HECTD2: variants seen among roughly 807,000 people sequenced by gnomAD.
HECTD2 encodes the protein probable E3 ubiquitin-protein ligase HECTD2.
Under a neutral mutation model 103.2 loss-of-function variants are expected in HECTD2, and 35 were observed. The observed-to-expected ratio is 0.34, with a 90% CI of 0.26 to 0.45. HECTD2 has a LOEUF of 0.45. Ranked by LOEUF, HECTD2 falls within the 20% of genes least tolerant of loss-of-function variation. The pLI, the probability that HECTD2 is intolerant of heterozygous loss-of-function variation, is 1.00. For missense variants in HECTD2, 596 were observed against 937.4 expected (o/e 0.64, Z 4.76); for synonymous variants, 281 against 329.9 (o/e 0.85, Z 1.61).
chr10:91,468,243 G>A (rs750624397), intron 5 of HECTD2, among the ~76,000 whole-genome samples: 1 of 152,122 alleles, frequency 6.6e-6, no homozygotes, highest in African/African-American at 2.4e-5. Flanking sequence ...AAAGCCAGGG[G>A]CTCGGTACCA....
chr10:91,460,942 G>A (rs896304146), intron 3 of HECTD2, among the ~76,000 whole-genome samples: 2 of 152,110 alleles, frequency 1.3e-5, no homozygotes, highest in African/African-American at 2.4e-5. Context: ...TTTGAAGGAC[G>A]AAGTGGGAAT....
chr10:91,512,349 G>A lies in HECTD2; in HGVS notation c.2296G>A (p.Gly766Arg). Residue 766 changes from glycine (G) to arginine (R), a missense_variant, in exon 21 of 21, where the codon GGA becomes AGA. Physicochemically the swap from Gly to Arg is moderately radical, Grantham distance 125 (BLOSUM62 -2). Coordinates refer to ENST00000298068, the MANE Select transcript of HECTD2 (RefSeq NM_182765.6). ...GGATCTGAAACAGAAATTGATCATT[G>A]GAATTTCAAATTCAGAAGGTTTTGG... is the stretch of plus-strand genomic sequence containing the variant. ...KKDLKQKLII[G>R]ISNSEGFGLE is the part of the protein sequence containing the mutation. 1 of 1,613,210 alleles carries A rather than the reference G, an allele frequency of 6.2e-7. No individual in the cohort carries two copies. The highest frequency in any genetic ancestry group is 8.5e-7 in the Non-Finnish European group (1 of 1,179,490).
intron 2 of HECTD2, among the ~76,000 whole-genome samples, chr10:91,426,368 A>T (rs1483680649): frequency 2.0e-5 from 3 of 152,062 alleles, no homozygotes; most frequent in African/African-American, 7.2e-5. Flanking sequence ...ACCTAGAAAT[A>T]TTTAAGGACA....
intron 2 of HECTD2, among the ~76,000 whole-genome samples, chr10:91,455,286 C>A (rs1290765235): frequency 2.0e-5 from 3 of 152,110 alleles, no homozygotes; most frequent in Non-Finnish European, 2.9e-5. Flanking sequence ...GATGGTATCT[C>A]ATTGTGGTTT....
intron 1 of HECTD2, among the ~76,000 whole-genome samples, chr10:91,410,946 G>GTGCC (rs946422515): frequency 5.7e-4 from 87 of 152,228 alleles, no homozygotes; most frequent in African/African-American, 1.7e-3. Context: ...TTCCACGGAG[G>GTGCC]TGCCTGCCTG....
At chr10:91,413,988 G>A (rs926866240) in intron 1 of HECTD2, among the ~76,000 whole-genome samples, 1 of 152,214 alleles carries the variant, frequency 6.6e-6, no homozygotes, top group African/African-American at 2.4e-5. Flanking sequence ...TGATGGATTG[G>A]AGTGGAATAT....
rs1845368252 is a variant in HECTD2 at position 91,461,974 on chromosome 10, GTTCT to G, written c.511-118_511-115del. On this transcript the variant is annotated intron_variant, in intron 4 of 20. Coordinates refer to ENST00000298068, the MANE Select transcript of HECTD2 (RefSeq NM_182765.6). Reference sequence around the variant, plus strand: ...TATTTTCAGAAATTTTGCCCTAACAGTTCTTTTTTATTATCAGACTAAAAAATAA... The same window carrying G: ...TATTTTCAGAAATTTTGCCCTAACAGTTTTTATTATCAGACTAAAAAATAA... The G allele has an allele frequency of 4.1e-6, 3 of 731,258 alleles. No individual in the cohort carries two copies. The East Asian group carries it at 9.2e-5, about 22-fold the overall frequency. The allele number at this position is 731,258 out of a possible 1,614,324, so 45.3% of individuals were successfully genotyped here. A position where few individuals can be genotyped will look rare whatever the true frequency, so the allele number is the denominator to read the frequency against.
At chr10:91,510,473 C>T (rs1043884684) in intron 20 of HECTD2, among the ~76,000 whole-genome samples, 2 of 152,170 alleles carry the variant, frequency 1.3e-5, no homozygotes, top group African/African-American at 2.4e-5. Flanking sequence ...TAAACATTTT[C>T]ATAAGATATT....
At chr10:91,417,565 T>C (rs1331506100) in intron 1 of HECTD2, among the ~76,000 whole-genome samples, 1 of 151,788 alleles carries the variant, frequency 6.6e-6, no homozygotes, top group Non-Finnish European at 1.5e-5. Flanking sequence ...CTTTCCTGTG[T>C]CCATGTGTTC....
intron 2 of HECTD2, among the ~76,000 whole-genome samples, chr10:91,430,746 C>A (rs920118924): frequency 7.9e-5 from 12 of 151,882 alleles, no homozygotes; most frequent in South Asian, 2.1e-4. Flanking sequence ...ATCTTCCTCC[C>A]TCCTTTTATT....
Position 91,487,558 on chromosome 10 carries a change from A to G in HECTD2, c.1095-124A>G, listed in dbSNP as rs1254454648. 2.7e-6 allele frequency: 2 copies of G among 731,598 alleles called. No homozygotes were observed. Among genetic ancestry groups the G allele is most frequent in the South Asian group, 2.9e-5 (2 of 69,498 alleles). The allele number at this position is 731,598 out of a possible 1,614,324, so 45.3% of individuals were successfully genotyped here. ...AATTATACACATACAATCATTTTGT[A>G]TATGGTAAAACACAATCCAAAAGTA... On this transcript the variant is annotated intron_variant, in intron 10 of 20. Coordinates refer to ENST00000298068, the MANE Select transcript of HECTD2 (RefSeq NM_182765.6). The surrounding 1 kb of genome is among the most constrained non-coding windows in gnomAD (Gnocchi z 4.1).
At chr10:91,436,489 C>T (rs1172311671) in intron 2 of HECTD2, among the ~76,000 whole-genome samples, 1 of 151,900 alleles carries the variant, frequency 6.6e-6, no homozygotes, top group Non-Finnish European at 1.5e-5. Flanking sequence ...ACTTAGTATT[C>T]AGTAATTAGT....
Position 91,460,519 on chromosome 10 carries a change from C to T in HECTD2, c.361C>T (p.Pro121Ser). Reference sequence around the variant, plus strand: ...ATCCGAAATGAAGGCCCCAGTCCTTCCAGAACCTATTCTTCCTATCCAGCC... The same window carrying T: ...ATCCGAAATGAAGGCCCCAGTCCTTTCAGAACCTATTCTTCCTATCCAGCC... Reference protein sequence around the residue: ...SSSEMKAPVLPEPILPIQPKT... With the variant: ...SSSEMKAPVLSEPILPIQPKT... Residue 121 changes from proline to serine, a missense_variant, in exon 3 of 21, where the codon CCA becomes TCA. Physicochemically the swap from Pro to Ser is moderately conservative, Grantham distance 74. Around this residue, in one of 4 missense-constraint regions of HECTD2, gnomAD observed 220 missense variants for 233.9 expected, o/e 0.94. Transcript: ENST00000298068. 1 of 1,612,646 alleles carries T rather than the reference C, an allele frequency of 6.2e-7. No individual in the cohort carries two copies. The highest frequency in any genetic ancestry group is 8.5e-7 in the Non-Finnish European group (1 of 1,179,228).
chr10:91,441,860 A>T, intron 2 of HECTD2, among the ~76,000 whole-genome samples: 1 of 120,092 alleles, frequency 8.3e-6, no homozygotes, highest in South Asian at 2.7e-4. Context: ...AGTCTGTTTC[A>T]TCAGAGACTA....
At chr10:91,510,297 A>G (rs769743195) in intron 20 of HECTD2, among the ~76,000 whole-genome samples, 10 of 152,190 alleles carry the variant, frequency 6.6e-5, no homozygotes, top group Non-Finnish European at 1.0e-4. Flanking sequence ...GCAAATTTCA[A>G]ATTACATCCT....
intron 2 of HECTD2, among the ~76,000 whole-genome samples, chr10:91,429,868 C>T (rs1269214350): frequency 1.3e-5 from 2 of 151,928 alleles, no homozygotes; most frequent in African/African-American, 4.8e-5. Context: ...TTTTTTGTGT[C>T]TCTATTTCCT....
intron 6 of HECTD2, 101 bp downstream of exon 6, chr10:91,478,366 T>A (rs1179862933): frequency 1.4e-6 from 1 of 708,736 alleles, no homozygotes; most frequent in Non-Finnish European, 2.4e-6. Context: ...TCAGAAAAGA[T>A]TTTAGTTGAG....
intron 19 of HECTD2, 107 bp from the exon 20 acceptor site, chr10:91,501,084 A>G (rs1846883958): frequency 1.2e-6 from 1 of 865,514 alleles, no homozygotes; most frequent in East Asian, 2.6e-5. Flanking sequence ...AATTCAGGAT[A>G]TTATGTATGC....
intron 1 of HECTD2, among the ~76,000 whole-genome samples, chr10:91,415,120 AAG>A (rs1433586832): frequency 1.3e-5 from 2 of 151,992 alleles, no homozygotes; most frequent in Non-Finnish European, 2.9e-5. Context: ...GCAGAAATGA[AAG>A]AGAAGAAAGA....
Sources: allele counts gnomAD v4.1 joint callset (sites outside exome capture counted in the v4.1 genomes callset), GRCh38; gene constraint gnomAD v4.1.1; regional missense constraint gnomAD v4.1.1; non-coding constraint Gnocchi (gnomAD v3.1); transcripts MANE v1.5; gene names NCBI Gene and HGNC (gene_info 2026-07-23, HGNC 2026-07-21).